The following EDRF1 variants were observed in gnomAD, a reference collection of about 807,000 sequenced individuals.
EDRF1 encodes erythroid differentiation-related factor 1.
In EDRF1, 69 loss-of-function variants were observed where a neutral mutation model predicts 148.7. That is an observed-to-expected ratio of 0.46 (90% CI 0.38 to 0.57). The LOEUF (loss-of-function observed/expected upper bound fraction) is 0.57. EDRF1 is among the 20% of genes least tolerant of loss of function. The pLI, the probability that EDRF1 is intolerant of heterozygous loss-of-function variation, is 0.00. For synonymous variants in EDRF1, 515 were observed against 532.8 expected (o/e 0.97, Z 0.46); for missense variants, 1,118 against 1,478.7 (o/e 0.76, Z 4.00).
In EDRF1 at chr10:125,719,720, C is replaced by T. The variant is rs1024850210; in HGVS notation, c.-88C>T. On this transcript the variant is annotated 5_prime_UTR_variant, in exon 1 of 25. Transcript: ENST00000356792. ...GAGACCGGAAGTGCGGTCCGCGGAG[C>T]GTCTCTGGCGCTTACCCTGCTTTGG... 1.1e-5 allele frequency: 10 copies of T among 952,336 alleles called. No homozygotes were observed. The highest frequency in any genetic ancestry group is 1.5e-5 in the Non-Finnish European group (10 of 645,764). The allele number at this position is 952,336 out of a possible 1,614,324, so 59.0% of individuals were successfully genotyped here. A position where few individuals can be genotyped will look rare whatever the true frequency, so the allele number is the denominator to read the frequency against.
At chr10:125,758,389 C>G (rs1476022200) in intron 24 of EDRF1, among the ~76,000 whole-genome samples, 1 of 152,158 alleles carries the variant, frequency 6.6e-6, no homozygotes, top group Non-Finnish European at 1.5e-5. Flanking sequence ...TCCTTGCCTT[C>G]CGTATATCTC....
intron 14 of EDRF1, 141 bp downstream of exon 14, chr10:125,738,130 A>G (rs1848829953): frequency 1.5e-6 from 2 of 1,357,326 alleles, no homozygotes; most frequent in Non-Finnish European, 2.1e-6. Flanking sequence ...AGTGAAAATC[A>G]GATTTGTTTT....
chr10:125,723,985 A>G (rs765533401), intron 4 of EDRF1, 49 bp downstream of exon 4: 24 of 1,604,192 alleles, frequency 1.5e-5, no homozygotes, highest in Middle Eastern at 1.7e-4. Context: ...GCTTAAGAGC[A>G]CTAGAAATAC....
At chr10:125,756,702 A>G in intron 24 of EDRF1, 1 of 346,034 alleles carries the variant, frequency 2.9e-6, no homozygotes, top group South Asian at 2.4e-5. Context: ...TAATATAGCT[A>G]CTCAACGTTC....
At chr10:125,747,807 ACTC>A in intron 20 of EDRF1, 53 bp from the exon 21 acceptor site, 1 of 1,612,146 alleles carries the variant, frequency 6.2e-7, no homozygotes, top group South Asian at 1.1e-5. Flanking sequence ...CGTTTTAAAA[ACTC>A]CTACAGTCAG....
At chr10:125,729,171 C>G (rs923961651) in intron 7 of EDRF1, 67 bp downstream of exon 7, 2 of 1,495,776 alleles carry the variant, frequency 1.3e-6, no homozygotes, top group Non-Finnish European at 1.8e-6. Flanking sequence ...CAAAACTAGC[C>G]TAAGTCGAAA....
At chr10:125,747,021 C>G (rs1175137892) in intron 19 of EDRF1, 1 of 154,672 alleles carries the variant, frequency 6.5e-6, no homozygotes, top group Non-Finnish European at 1.4e-5. Flanking sequence ...TTTATATATA[C>G]ACAGAAAAGA....
intron 24 of EDRF1, among the ~76,000 whole-genome samples, chr10:125,762,076 T>C (rs112992750): frequency 0.012 from 1,891 of 151,800 alleles, 41 homozygotes; most frequent in African/African-American, 0.043. Flanking sequence ...ATAAAATAAG[T>C]GGGAATTGGA....
intron 6 of EDRF1, among the ~76,000 whole-genome samples, chr10:125,726,694 T>G (rs749461418): frequency 1.3e-4 from 20 of 152,224 alleles, no homozygotes; most frequent in Non-Finnish European, 2.8e-4. Context: ...TCAGTAGGTT[T>G]AAGATAGAGA....
intron 17 of EDRF1, among the ~76,000 whole-genome samples, chr10:125,741,935 C>T (rs532633461): frequency 1.3e-5 from 2 of 151,932 alleles, no homozygotes; most frequent in East Asian, 2.0e-4. Flanking sequence ...CTCAAGCGAT[C>T]CTCCCACCTT....
intron 22 of EDRF1, among the ~76,000 whole-genome samples, chr10:125,750,728 T>A (rs909965509): frequency 6.6e-6 from 1 of 152,226 alleles, no homozygotes; most frequent in Non-Finnish European, 1.5e-5. Context: ...GTATTACCTA[T>A]CTAAAACAGT....
intron 19 of EDRF1, chr10:125,746,655 C>T (rs540144960): frequency 1.3e-5 from 2 of 152,544 alleles, no homozygotes; most frequent in African/African-American, 4.8e-5. Context: ...AGTCTTGGCT[C>T]ACTGCAACCT....
At chr10:125,740,031 A>G (rs1279039195) in intron 15 of EDRF1, among the ~76,000 whole-genome samples, 1 of 152,204 alleles carries the variant, frequency 6.6e-6, no homozygotes, top group Non-Finnish European at 1.5e-5. Context: ...GCTGATGGGT[A>G]GTAGGATGGA....
chr10:125,726,695 A>G (rs1373347084), intron 6 of EDRF1, among the ~76,000 whole-genome samples: 1 of 152,244 alleles, frequency 6.6e-6, no homozygotes, highest in African/African-American at 2.4e-5. Flanking sequence ...CAGTAGGTTT[A>G]AGATAGAGAA....
chr10:125,755,497 G>A (rs1849862134), intron 24 of EDRF1, among the ~76,000 whole-genome samples: 1 of 152,226 alleles, frequency 6.6e-6, no homozygotes, highest in South Asian at 2.1e-4. Flanking sequence ...TATTAGAACA[G>A]TGCTGGCCTC....
Position 125,741,201 on chromosome 10 carries a change from G to C in EDRF1, c.2371G>C (p.Gly791Arg). 1 of 1,614,116 alleles carries C rather than the reference G, an allele frequency of 6.2e-7. No homozygotes were observed. ...HSLHRESSCQ[G>R]FAWATDLSTD... is the part of the protein sequence containing the mutation. ...CCTTCACAGAGAGTCCAGTTGCCAAGGTGTGCCACAGGCTTGGACCACGTG... is the reference window on the plus strand; with the variant it reads ...CCTTCACAGAGAGTCCAGTTGCCAACGTGTGCCACAGGCTTGGACCACGTG... Residue 791 changes from glycine (G) to arginine (R), a missense_variant and splice_region_variant, in exon 17 of 25, where the codon GGA becomes CGA. This residue lies in a region of EDRF1 where 954 missense variants were observed against 1,241.4 expected (regional missense o/e 0.77). Transcript: ENST00000356792.
chr10:125,723,224 C>A, intron 3 of EDRF1, 90 bp downstream of exon 3: 3 of 1,151,240 alleles, frequency 2.6e-6, no homozygotes, highest in Non-Finnish European at 4.0e-6. Flanking sequence ...TATAAATGTG[C>A]AAGTCTTGAG....
At chr10:125,721,631 A>T (rs2133658706) in intron 2 of EDRF1, among the ~76,000 whole-genome samples, 1 of 152,354 alleles carries the variant, frequency 6.6e-6, no homozygotes, top group African/African-American at 2.4e-5. Context: ...TTTTAAGTCT[A>T]CGTCATGTTA....
chr10:125,753,641 T>C (rs962113608), intron 23 of EDRF1, 53 bp from the exon 24 acceptor site: 1 of 1,605,462 alleles, frequency 6.2e-7, no homozygotes, highest in African/African-American at 1.3e-5. Flanking sequence ...TGGTACGATA[T>C]GAAACTACAG....
Sources: allele counts gnomAD v4.1 joint callset (sites outside exome capture counted in the v4.1 genomes callset), GRCh38; gene constraint gnomAD v4.1.1; regional missense constraint gnomAD v4.1.1; transcripts MANE v1.5; gene names NCBI Gene and HGNC (gene_info 2026-07-23, HGNC 2026-07-21).